The following MYO5B variants were observed in gnomAD, a reference collection of about 807,000 sequenced individuals.
MYO5B encodes the protein myosin VB.
In MYO5B, 143 loss-of-function variants were observed where a neutral mutation model predicts 229.3. The ratio of observed to expected loss-of-function variants is 0.62; its 90% CI spans 0.54 to 0.72. The LOEUF (loss-of-function observed/expected upper bound fraction) is 0.72. Ranked by LOEUF, MYO5B falls within the 30% of genes least tolerant of loss-of-function variation. MYO5B has a pLI of 0.00. For synonymous variants in MYO5B, 918 were observed against 885.2 expected (o/e 1.04, Z -0.66); for missense variants, 2,321 against 2,331.0 (o/e 1.00, Z 0.09).
At chr18:49,990,022 C>A (rs1189093984) in intron 7 of MYO5B, among the ~76,000 whole-genome samples, 1 of 152,162 alleles carries the variant, frequency 6.6e-6, no homozygotes, top group African/African-American at 2.4e-5. Flanking sequence ...TATCCTCACC[C>A]CTTTCTCTTT....
At chr18:50,135,140 C>T (rs928115535) in intron 1 of MYO5B, among the ~76,000 whole-genome samples, 9 of 152,176 alleles carry the variant, frequency 5.9e-5, no homozygotes, top group Non-Finnish European at 1.3e-4. Context: ...AAATTCTGCC[C>T]TCAAGTGTTT....
intron 26 of MYO5B, among the ~76,000 whole-genome samples, chr18:49,874,293 C>T (rs4939598): frequency 0.24 from 36,592 of 152,106 alleles, 4,542 homozygotes; most frequent in East Asian, 0.42. Flanking sequence ...CCAAAATTAG[C>T]TGGCATGTCT....
In MYO5B at chr18:50,108,209, A is replaced by T. The variant is rs142935342; in HGVS notation, c.28-52831T>A. Reference sequence around the variant, plus strand: ...AGGCATGAGCCATCATGCCCAGCCCATTATCCTGTCTCTTGAAATAACTCC... The same window carrying T: ...AGGCATGAGCCATCATGCCCAGCCCTTTATCCTGTCTCTTGAAATAACTCC... On this transcript the variant is annotated intron_variant, in intron 1 of 39. Coordinates refer to ENST00000285039, the MANE Select transcript of MYO5B (RefSeq NM_001080467.3). 6.4e-4 allele frequency among the ~76,000 whole-genome samples: 97 copies of T among 152,302 alleles called. 1 individual carries two copies. The highest frequency in any genetic ancestry group is 6.8e-3 in the Middle Eastern group (2 of 294).
intron 14 of MYO5B, among the ~76,000 whole-genome samples, chr18:49,945,322 T>C (rs1291196103): frequency 6.6e-6 from 1 of 152,190 alleles, no homozygotes; most frequent in Non-Finnish European, 1.5e-5. Flanking sequence ...CACTGGGAAC[T>C]CCGAATTCAA....
intron 3 of MYO5B, among the ~76,000 whole-genome samples, chr18:50,039,749 A>T (rs945027898): frequency 6.6e-6 from 1 of 152,202 alleles, no homozygotes; most frequent in Non-Finnish European, 1.5e-5. Context: ...AACAGAGGCA[A>T]GTGAGAAGAT....
intron 1 of MYO5B, among the ~76,000 whole-genome samples, chr18:50,134,202 A>G (rs535375273): frequency 6.6e-6 from 1 of 152,296 alleles, no homozygotes; most frequent in African/African-American, 2.4e-5. Flanking sequence ...TTGTTGTTCA[A>G]ACTTCAAAGG....
intron 1 of MYO5B, among the ~76,000 whole-genome samples, chr18:50,187,337 G>A (rs1051048388): frequency 1.8e-4 from 27 of 152,266 alleles, no homozygotes; most frequent in African/African-American, 6.0e-4. Flanking sequence ...TTAACCAAGG[G>A]ATCAAAGTGA....
chr18:50,007,058 G>A (rs1484636366), intron 4 of MYO5B, among the ~76,000 whole-genome samples: 1 of 152,182 alleles, frequency 6.6e-6, no homozygotes, highest in East Asian at 1.9e-4. Flanking sequence ...TCCCGCTGCA[G>A]ACTTGGGTGG....
intron 10 of MYO5B, among the ~76,000 whole-genome samples, chr18:49,968,887 T>C (rs1291372058): frequency 6.6e-6 from 1 of 152,198 alleles, no homozygotes. Flanking sequence ...AGTACTGGCA[T>C]GGACAGAGAG....
chr18:49,932,779 G>T (rs975249280), intron 16 of MYO5B, among the ~76,000 whole-genome samples: 2 of 152,060 alleles, frequency 1.3e-5, no homozygotes, highest in Non-Finnish European at 2.9e-5. Flanking sequence ...TATCCCAAGG[G>T]GATATGGGAG....
At position 49,933,019 on chromosome 18, in the gene MYO5B, T is replaced by G. The variant is rs142796930; in HGVS notation, c.2003+3233A>C. The stretch of plus-strand genomic sequence containing the variant: ...TGAAGTTCATGCTTTCCTCTCCCAA[T>G]AGGATTAGCAGACCCTGGAGCCTGC... On this transcript the variant is annotated intron_variant, in intron 16 of 39. Transcript: ENST00000285039. Among the ~76,000 whole-genome samples, 435 of 152,250 alleles carry G rather than the reference T, an allele frequency of 2.9e-3. 2 individuals carry two copies. The highest frequency in any genetic ancestry group is 9.8e-3 in the African/African-American group (409 of 41,546).
intron 30 of MYO5B, among the ~76,000 whole-genome samples, chr18:49,856,354 G>C (rs1342105097): frequency 2.6e-5 from 4 of 152,188 alleles, no homozygotes; most frequent in African/African-American, 9.7e-5. Context: ...GGCAGGCTCT[G>C]GGGGCACAGG....
At chr18:49,957,142 CAA>C (rs71169467) in intron 12 of MYO5B, among the ~76,000 whole-genome samples, 12 of 58,720 alleles carry the variant, frequency 2.0e-4, no homozygotes, top group African/African-American at 7.1e-4. Flanking sequence ...AATAAAGTAG[CAA>C]AAAAAAAAAA....
chr18:50,099,574 C>T lies in MYO5B; in HGVS notation c.28-44196G>A, dbSNP rs567431088. ...TAGTTGATTCTTGGGGTTCTACTAC[C>T]AACAGGCCACCACAGAACACAAGGA... On this transcript the variant is annotated intron_variant, in intron 1 of 39. Transcript: ENST00000285039. Among the ~76,000 whole-genome samples, 20 of 152,238 alleles carry T rather than the reference C, an allele frequency of 1.3e-4. 1 individual carries two copies. Among genetic ancestry groups the T allele is most frequent in the Middle Eastern group, 3.4e-3 (1 of 294 alleles).
intron 20 of MYO5B, among the ~76,000 whole-genome samples, chr18:49,903,743 C>A (rs1041554064): frequency 6.6e-6 from 1 of 152,196 alleles, no homozygotes; most frequent in Admixed American, 6.5e-5. Flanking sequence ...CCTTCCAATT[C>A]GTGTTTCAAG....
At chr18:50,114,818 G>A (rs1382658888) in intron 1 of MYO5B, among the ~76,000 whole-genome samples, 2 of 152,166 alleles carry the variant, frequency 1.3e-5, no homozygotes, top group African/African-American at 4.8e-5. Context: ...TGGAGCAGGT[G>A]TGGTGGTTGC....
At position 49,836,840 on chromosome 18, in the gene MYO5B, A is replaced by G; in HGVS notation, c.5184T>C (p.Leu1728=). Residue 1728 remains leucine, a synonymous_variant, in exon 38 of 40, where the codon CTT becomes CTC. Coordinates refer to ENST00000285039, the MANE Select transcript of MYO5B (RefSeq NM_001080467.3). The part of the protein sequence containing the change: ...QLEEWLRGRN[L]HQSGAVQTME... Reference sequence around the variant, plus strand: ...TGGTCTGAACTGCTCCACTCTGGTGAAGGTTTCTTCCCCGAAGCCACTCCT... The same window carrying G: ...TGGTCTGAACTGCTCCACTCTGGTGGAGGTTTCTTCCCCGAAGCCACTCCT... 6.2e-7 allele frequency: 1 copy of G among 1,614,154 alleles called. No homozygotes were observed. Among genetic ancestry groups the G allele is most frequent in the Non-Finnish European group, 8.5e-7 (1 of 1,180,016 alleles).
At chr18:49,827,386 G>A (rs1364525918) in intron 39 of MYO5B, among the ~76,000 whole-genome samples, 1 of 152,240 alleles carries the variant, frequency 6.6e-6, no homozygotes, top group Non-Finnish European at 1.5e-5. Context: ...GATCTGGTGG[G>A]TCCCAGCAGA....
intron 2 of MYO5B, among the ~76,000 whole-genome samples, chr18:50,047,368 T>C (rs2030260107): frequency 6.6e-6 from 1 of 152,090 alleles, no homozygotes; most frequent in Admixed American, 6.5e-5. Flanking sequence ...ATCAGAGAAA[T>C]GCAAATCAAA....
Sources: gnomAD v4.1 joint callset for allele counts (sites outside exome capture counted in the v4.1 genomes callset) on GRCh38, gnomAD v4.1.1 for gene constraint, MANE v1.5 for transcripts, NCBI Gene and HGNC (gene_info 2026-07-23, HGNC 2026-07-21) for gene names.